Variants in HEATR5A observed in about 807,000 individuals in gnomAD.
The protein encoded by HEATR5A is HEAT repeat-containing protein 5A.
In HEATR5A, 178 loss-of-function variants were observed where a neutral mutation model predicts 218.8. The ratio of observed to expected loss-of-function variants is 0.81; its 90% CI spans 0.72 to 0.92. The LOEUF (loss-of-function observed/expected upper bound fraction) is 0.92. HEATR5A is among the 40% of genes least tolerant of loss of function. The pLI is 0.00. For synonymous variants in HEATR5A, 864 were observed against 871.6 expected (o/e 0.99, Z 0.15); for missense variants, 2,420 against 2,418.9 (o/e 1.00, Z -0.01).
At chr14:31,373,126 T>C (rs1902101462) in intron 12 of HEATR5A, among the ~76,000 whole-genome samples, 1 of 152,096 alleles carries the variant, frequency 6.6e-6, no homozygotes, top group African/African-American at 2.4e-5. Flanking sequence ...TTCACCATGT[T>C]GTCCAGGCTG....
chr14:31,302,580 A>G, intron 32 of HEATR5A, 61 bp from the exon 33 acceptor site: 1 of 1,119,786 alleles, frequency 8.9e-7, no homozygotes. Flanking sequence ...GTTTCTAAAA[A>G]GAAATCATCA....
chr14:31,319,764 G>C (rs998814655), intron 25 of HEATR5A, among the ~76,000 whole-genome samples: 5 of 152,108 alleles, frequency 3.3e-5, no homozygotes, highest in African/African-American at 1.2e-4. Flanking sequence ...TGAATCCTTG[G>C]GCTGGGGCTG....
chr14:31,348,212 TAA>T (rs1254690677), intron 18 of HEATR5A, among the ~76,000 whole-genome samples: 1 of 152,172 alleles, frequency 6.6e-6, no homozygotes, highest in Non-Finnish European at 1.5e-5. Context: ...ACTTTATCAT[TAA>T]GTTACATTTT....
intron 3 of HEATR5A, 119 bp from the exon 4 acceptor site, chr14:31,398,900 CTTTG>C (rs2030760823): frequency 1.6e-6 from 1 of 622,938 alleles, no homozygotes; most frequent in East Asian, 2.8e-5. Flanking sequence ...TTTTTACTTT[CTTTG>C]TATTATCCTT....
rs114694476 is a variant in HEATR5A at position 31,362,821 on chromosome 14, T to C, written c.2071+1368A>G. Among the ~76,000 whole-genome samples, 1,060 of 151,550 alleles carry C rather than the reference T, an allele frequency of 7.0e-3. 10 individuals are homozygous for C. The highest frequency in any genetic ancestry group is 0.024 in the African/African-American group (1,002 of 41,334). ...AAGACTTCCATTATTTATCAGAAGA[T>C]ACACTGTAGATTTTAAGTCGAGATT... On this transcript the variant is annotated intron_variant, in intron 14 of 35. Transcript: ENST00000543095.
At position 31,368,333 on chromosome 14, in the gene HEATR5A, T is replaced by A. The variant is rs138781119; in HGVS notation, c.1961+3477A>T. On this transcript the variant is annotated intron_variant, in intron 13 of 35. Coordinates refer to ENST00000543095, the MANE Select transcript of HEATR5A (RefSeq NM_015473.4). ...GATCTTAGACTCCTGCCTCCAGAACTGTTAGAAATAAGTGCCCGTTTTTTA... is the reference window on the plus strand; with the variant it reads ...GATCTTAGACTCCTGCCTCCAGAACAGTTAGAAATAAGTGCCCGTTTTTTA... Among the ~76,000 whole-genome samples, 426 of 152,210 alleles carry A rather than the reference T, an allele frequency of 2.8e-3. 4 individuals are homozygous for A. The highest frequency in any genetic ancestry group is 9.8e-3 in the African/African-American group (409 of 41,524).
At chr14:31,303,109 T>C (rs1566746576) in intron 32 of HEATR5A, among the ~76,000 whole-genome samples, 1 of 146,934 alleles carries the variant, frequency 6.8e-6, no homozygotes, top group Non-Finnish European at 1.5e-5. Flanking sequence ...AGACCCTGTC[T>C]AAAAAAAAAA....
Position 31,350,613 on chromosome 14 carries a change from T to G in HEATR5A, c.2516A>C (p.Lys839Thr). Residue 839 changes from lysine (K) to threonine (T), a missense_variant and splice_region_variant, in exon 17 of 36, where the codon AAG becomes ACG. Coordinates refer to ENST00000543095, the MANE Select transcript of HEATR5A (RefSeq NM_015473.4). Reference sequence around the variant, plus strand: ...TTAAATGAAAAAAATAATAATTACCTTCAAGAAACTAGAAACTGAAGAAAC... The same window carrying G: ...TTAAATGAAAAAAATAATAATTACCGTCAAGAAACTAGAAACTGAAGAAAC... The part of the protein sequence containing the change: ...HVVSSVSSFL[K>T]YVAGSKGCLG... 6.5e-7 allele frequency: 1 copy of G among 1,537,436 alleles called. No individual in the cohort carries two copies. The highest frequency in any genetic ancestry group is 8.9e-7 in the Non-Finnish European group (1 of 1,126,802).
chr14:31,380,846 T>C (rs1355889165), intron 10 of HEATR5A, among the ~76,000 whole-genome samples: 2 of 152,236 alleles, frequency 1.3e-5, no homozygotes, highest in Non-Finnish European at 2.9e-5. Context: ...TGTAAGATTA[T>C]TCAAGTATAG....
At chr14:31,335,780 A>C (rs1900629184) in intron 22 of HEATR5A, among the ~76,000 whole-genome samples, 2 of 152,024 alleles carry the variant, frequency 1.3e-5, no homozygotes. Flanking sequence ...CAGCCTCTCA[A>C]GTAGCTGGGA....
chr14:31,370,055 T>A (rs1337476970), intron 13 of HEATR5A, among the ~76,000 whole-genome samples: 1 of 151,150 alleles, frequency 6.6e-6, no homozygotes, highest in Non-Finnish European at 1.5e-5. Context: ...TGAAACCCCA[T>A]CTCTATTAAA....
intron 5 of HEATR5A, 37 bp downstream of exon 5, chr14:31,395,157 CTTTAT>C: frequency 7.4e-7 from 1 of 1,351,252 alleles, no homozygotes; most frequent in Non-Finnish European, 9.8e-7. Flanking sequence ...ATTTACTTTT[CTTTAT>C]ATTAATTTTT....
rs191654383 is a variant in HEATR5A, at chr14:31,397,838, G to A, written c.447+835C>T. Among the ~76,000 whole-genome samples the A allele has an allele frequency of 1.3e-3, 197 of 152,158 alleles. No individual in the cohort carries two copies. In the Middle Eastern group the frequency reaches 0.014, roughly 11 times the overall value. On this transcript the variant is annotated intron_variant, in intron 4 of 35. Coordinates refer to ENST00000543095, the MANE Select transcript of HEATR5A (RefSeq NM_015473.4). Reference sequence around the variant, plus strand: ...CATACCCCAACTAATTTATGTTTTTGTAGAGACAGGGTCTTCCAGTGTTGC... The same window carrying A: ...CATACCCCAACTAATTTATGTTTTTATAGAGACAGGGTCTTCCAGTGTTGC...
intron 13 of HEATR5A, among the ~76,000 whole-genome samples, chr14:31,367,784 C>T (rs1332046673): frequency 6.6e-6 from 1 of 151,580 alleles, no homozygotes; most frequent in Non-Finnish European, 1.5e-5. Flanking sequence ...AGAGGAGTAA[C>T]GTCAAAAGGC....
chr14:31,311,523 C>T (rs1899752015), intron 28 of HEATR5A, among the ~76,000 whole-genome samples: 8 of 151,966 alleles, frequency 5.3e-5, no homozygotes. Context: ...GAGATCTTCC[C>T]ACATCAGCCT....
At chr14:31,347,981 C>T (rs2139212567) in intron 18 of HEATR5A, 74 bp from the exon 19 acceptor site, 1 of 941,340 alleles carries the variant, frequency 1.1e-6, no homozygotes, top group Non-Finnish European at 1.4e-6. Flanking sequence ...TGCATGTACA[C>T]TGTCACTTAG....
At chr14:31,320,581 G>T in intron 25 of HEATR5A, 3 of 789,754 alleles carry the variant, frequency 3.8e-6, no homozygotes, top group Non-Finnish European at 6.6e-6. Flanking sequence ...TTAGACCCCT[G>T]GTACAACAGC....
At chr14:31,350,090 T>A in intron 17 of HEATR5A, 111 bp from the exon 18 acceptor site, 1 of 608,750 alleles carries the variant, frequency 1.6e-6, no homozygotes, top group Non-Finnish European at 2.6e-6. Flanking sequence ...CTTGGATTAC[T>A]ACTTAAAAAC....
chr14:31,333,615 G>A lies in HEATR5A; in HGVS notation c.3367+3861C>T, dbSNP rs570128577. Reference sequence around the variant, plus strand: ...ATGCCATCTGGGACTTTCATAGCTAGAGAGGAGAAGCCAATTCCTAGATTC... The same window carrying A: ...ATGCCATCTGGGACTTTCATAGCTAAAGAGGAGAAGCCAATTCCTAGATTC... On this transcript the variant is annotated intron_variant, in intron 22 of 35. Transcript: ENST00000543095. Among the ~76,000 whole-genome samples, 4 of 152,298 alleles carry A rather than the reference G, an allele frequency of 2.6e-5. No homozygotes were observed. In the South Asian group the frequency reaches 8.3e-4, roughly 32 times the overall value.
Sources: allele counts gnomAD v4.1 joint callset (sites outside exome capture counted in the v4.1 genomes callset), GRCh38; gene constraint gnomAD v4.1.1; transcripts MANE v1.5; gene names NCBI Gene and HGNC (gene_info 2026-07-23, HGNC 2026-07-21).